Variants in SEPTIN2 observed in about 807,000 individuals in gnomAD.
SEPTIN2 encodes the protein septin 2.
SEPTIN2 carries 34 observed loss-of-function variants against 46.5 expected under a neutral mutation model. That is an observed-to-expected ratio of 0.73 (90% CI 0.56 to 0.97). The LOEUF is 0.97. SEPTIN2 is among the 50% of genes least tolerant of loss of function. The pLI is 0.00. For missense variants in SEPTIN2, 347 were observed against 448.4 expected (o/e 0.77, Z 2.04); for synonymous variants, 175 against 153.4 (o/e 1.14, Z -1.04).
rs1456444851 is a variant in SEPTIN2, at chr2:241,349,778, G to A, written c.985-295G>A. ...GGAGGTAGCAGTGAGCCGAGATTGC[G>A]CCACTGCACTCCAGCCTAGGAGACA... On this transcript the variant is annotated intron_variant, in intron 11 of 12. Transcript: ENST00000391971. Among the ~76,000 whole-genome samples the A allele has an allele frequency of 3.3e-5, 5 of 152,258 alleles. No individual in the cohort carries two copies. The East Asian group carries it at 7.7e-4, about 24-fold the overall frequency.
Position 241,337,458 on chromosome 2 carries a change from C to T in SEPTIN2, c.418C>T (p.His140Tyr). 6.2e-7 allele frequency: 1 copy of T among 1,614,070 alleles called. No individual in the cohort carries two copies. The highest frequency in any genetic ancestry group is 8.5e-7 in the Non-Finnish European group (1 of 1,179,996). Residue 140 changes from histidine (H) to tyrosine (Y), a missense_variant, in exon 6 of 13, where the codon CAC becomes TAC. His to Tyr is a moderately conservative substitution (Grantham distance 83). Transcript: ENST00000391971. The stretch of plus-strand genomic sequence containing the variant: ...TGACGAGAGCGGCTTGAACAGGCGG[C>T]ACATCATTGATAATAGGGTGCATTG... ...LHDESGLNRR[H>Y]IIDNRVHCCF...
In SEPTIN2 at chr2:241,343,739, T is replaced by C; in HGVS notation, c.697-13T>C. ...CTGTGTGGAGCCTGTCTACTCTGTG[T>C]GTCTCTTTCTAGGCTAGCATCCCAT... On this transcript the variant is annotated splice_polypyrimidine_tract_variant and intron_variant, in intron 8 of 12. Coordinates refer to ENST00000391971, the MANE Select transcript of SEPTIN2 (RefSeq NM_004404.5). 6.2e-7 allele frequency: 1 copy of C among 1,614,060 alleles called. No homozygotes were observed. The highest frequency in any genetic ancestry group is 2.2e-5 in the East Asian group (1 of 44,876).
intron 1 of SEPTIN2, among the ~76,000 whole-genome samples, chr2:241,317,778 T>G (rs1430512460): frequency 6.6e-6 from 1 of 152,218 alleles, no homozygotes; most frequent in African/African-American, 2.4e-5. Flanking sequence ...CAGATGTTGT[T>G]CATCTTCTAT....
At chr2:241,316,614 G>C in intron 1 of SEPTIN2, 1 of 1,278,624 alleles carries the variant, frequency 7.8e-7, no homozygotes, top group Non-Finnish European at 1.0e-6. Flanking sequence ...TTGGCCCGGG[G>C]ATGAGGAGCA....
chr2:241,324,128 G>A (rs1262422700), intron 1 of SEPTIN2, 88 bp from the exon 2 acceptor site: 2 of 1,227,132 alleles, frequency 1.6e-6, no homozygotes, highest in Non-Finnish European at 2.3e-6. Flanking sequence ...GTCTTCTTCA[G>A]GTCAGTTCAC....
intron 2 of SEPTIN2, chr2:241,324,681 G>A (rs1334949290): frequency 3.3e-5 from 7 of 211,396 alleles, no homozygotes; most frequent in African/African-American, 1.2e-4. Flanking sequence ...CACCGTGCCT[G>A]GCCTAATTGT....
chr2:241,345,062 G>A (rs923202505), intron 9 of SEPTIN2, among the ~76,000 whole-genome samples: 32 of 149,610 alleles, frequency 2.1e-4, no homozygotes, highest in African/African-American at 7.1e-4. Flanking sequence ...GCAGTGAGCC[G>A]GGATTGCGCC....
intron 5 of SEPTIN2, chr2:241,336,454 A>G (rs2080004579): frequency 1.8e-5 from 4 of 217,718 alleles, no homozygotes; most frequent in South Asian, 1.7e-4. Context: ...GTGTCTGTAA[A>G]TGACTGCTCA....
At chr2:241,350,034 C>G (rs753634108) in intron 11 of SEPTIN2, 39 bp from the exon 12 acceptor site, 2 of 1,591,924 alleles carry the variant, frequency 1.3e-6, no homozygotes, top group African/African-American at 2.7e-5. Flanking sequence ...TCAAAGACAG[C>G]AAACCTTGAA....
At chr2:241,334,009 C>T (rs2079480584) in intron 3 of SEPTIN2, among the ~76,000 whole-genome samples, 1 of 151,624 alleles carries the variant, frequency 6.6e-6, no homozygotes, top group Non-Finnish European at 1.5e-5. Context: ...AGCCACAACA[C>T]CTGGCTAAGG....
At position 241,348,170 on chromosome 2, in the gene SEPTIN2, C is replaced by A; in HGVS notation, c.963C>A (p.Ile321=). 6.2e-7 allele frequency: 1 copy of A among 1,612,952 alleles called. No individual in the cohort carries two copies. Among genetic ancestry groups the A allele is most frequent in the Non-Finnish European group, 8.5e-7 (1 of 1,179,428 alleles). ...VENEDMNKDQ[I]LLEKEAELRR... is the part of the protein sequence containing the mutation. ...ATGAGGACATGAATAAAGACCAGAT[C>A]TTGCTGGAAAAAGAAGCTGAGGTAA... is the stretch of plus-strand genomic sequence containing the variant. Residue 321 remains isoleucine, a synonymous_variant, in exon 11 of 13, where the codon ATC becomes ATA. Coordinates refer to ENST00000391971, the MANE Select transcript of SEPTIN2 (RefSeq NM_004404.5).
At position 241,352,204 on chromosome 2, in the gene SEPTIN2, T is replaced by C. The variant is rs528421387; in HGVS notation, c.*267T>C. ...CCTTTTCTTTCTCCCTAACCACTAA[T>C]GTTAGAATTGATTTCCAAGAATCGG... On this transcript the variant is annotated 3_prime_UTR_variant, in exon 13 of 13. Coordinates refer to ENST00000391971, the MANE Select transcript of SEPTIN2 (RefSeq NM_004404.5). The C allele has an allele frequency of 1.3e-5, 2 of 152,808 alleles. No homozygotes were observed. Among genetic ancestry groups the C allele is most frequent in the South Asian group, 4.1e-4 (2 of 4,834 alleles). The allele number at this position is 152,808 out of a possible 1,614,324, so 9.5% of individuals were successfully genotyped here.
intron 5 of SEPTIN2, 127 bp from the exon 6 acceptor site, chr2:241,337,255 T>C (rs1203751209): frequency 1.1e-6 from 1 of 913,012 alleles, no homozygotes. Context: ...GTCAGTCTTC[T>C]GTTCTCATCT....
chr2:241,343,186 C>T (rs1171476673), intron 8 of SEPTIN2, 93 bp downstream of exon 8: 45 of 755,332 alleles, frequency 6.0e-5, no homozygotes, highest in Non-Finnish European at 9.8e-5. Flanking sequence ...TGTTCAGTTA[C>T]GAGAGTATTT....
intron 11 of SEPTIN2, 59 bp downstream of exon 11, chr2:241,348,250 C>CA (rs1211790848): frequency 6.9e-7 from 1 of 1,457,950 alleles, no homozygotes; most frequent in Non-Finnish European, 9.6e-7. Flanking sequence ...TGTTTTGAGA[C>CA]AGAGTTTTGC....
chr2:241,335,908 C>T (rs779200469), intron 4 of SEPTIN2, 67 bp from the exon 5 acceptor site: 80 of 1,607,804 alleles, frequency 5.0e-5, no homozygotes, highest in African/African-American at 6.7e-5. Context: ...AGTCACCTGT[C>T]GTAAGAACGT....
At position 241,328,232 on chromosome 2, in the gene SEPTIN2, T is replaced by A. The variant is rs1444736863; in HGVS notation, c.130+2119T>A. 2.0e-5 allele frequency among the ~76,000 whole-genome samples: 3 copies of A among 151,442 alleles called. No individual in the cohort carries two copies. In the East Asian group the frequency reaches 5.9e-4, roughly 30 times the overall value. ...GGTGGATCATTTGAGGTCAGGAGTT[T>A]GAGACCAGCCTGGCCAACATGGCAA... On this transcript the variant is annotated intron_variant, in intron 3 of 12. Transcript: ENST00000391971.
At chr2:241,320,854 AT>A (rs989358552) in intron 1 of SEPTIN2, among the ~76,000 whole-genome samples, 1 of 151,244 alleles carries the variant, frequency 6.6e-6, no homozygotes, top group African/African-American at 2.4e-5. Flanking sequence ...CTCATAATTC[AT>A]TTTTTCTCTT....
At chr2:241,316,655 C>G (rs1208201671) in intron 1 of SEPTIN2, 30 of 827,798 alleles carry the variant, frequency 3.6e-5, no homozygotes, top group Non-Finnish European at 5.2e-5. Flanking sequence ...TCAGTGGAGT[C>G]CCAACTGTGA....
Sources: gnomAD v4.1 joint callset for allele counts (sites outside exome capture counted in the v4.1 genomes callset) on GRCh38, gnomAD v4.1.1 for gene constraint, MANE v1.5 for transcripts, NCBI Gene and HGNC (gene_info 2026-07-23, HGNC 2026-07-21) for gene names.